CABLES1: variants seen among roughly 807,000 people sequenced by gnomAD.
CABLES1 encodes the protein Cdk5 and Abl enzyme substrate 1.
A neutral mutation model predicts 57.8 loss-of-function variants in CABLES1; 36 were observed. The ratio of observed to expected loss-of-function variants is 0.62; its 90% CI spans 0.48 to 0.82. The LOEUF is 0.82. Among genes scored for constraint, CABLES1 ranks in the 40% least tolerant of loss-of-function variants. CABLES1 has a pLI of 0.00. For synonymous variants in CABLES1, 374 were observed against 363.0 expected (o/e 1.03, Z -0.35); for missense variants, 767 against 836.6 (o/e 0.92, Z 1.03).
chr18:23,194,400 T>C (rs758311320), intron 2 of CABLES1, 48 bp from the exon 3 acceptor site: 2 of 1,205,158 alleles, frequency 1.7e-6, no homozygotes, highest in Non-Finnish European at 2.5e-6. Flanking sequence ...ACGTCTCAGC[T>C]GTCCAGCAGG....
At chr18:23,211,937 C>T (rs1239351879) in intron 3 of CABLES1, among the ~76,000 whole-genome samples, 2 of 152,258 alleles carry the variant, frequency 1.3e-5, no homozygotes, top group Admixed American at 6.5e-5. Flanking sequence ...ATTCATGTAA[C>T]CCCTGGCCCT....
Position 23,235,877 on chromosome 18 carries a change from T to C in CABLES1, c.1186-18T>C. 4 of 1,613,160 alleles carry C rather than the reference T, an allele frequency of 2.5e-6. No homozygotes were observed. The highest frequency in any genetic ancestry group is 2.5e-6 in the Non-Finnish European group (3 of 1,179,196). On this transcript the variant is annotated intron_variant, in intron 5 of 9. Coordinates refer to ENST00000256925, the MANE Select transcript of CABLES1 (RefSeq NM_001100619.3). ...GCCTGGGAATAATCACTGGCCTGTT[T>C]TTGTCTTCACCTTTTAGACTGTTTC...
intron 7 of CABLES1, among the ~76,000 whole-genome samples, chr18:23,240,031 T>C (rs2145093323): frequency 6.6e-6 from 1 of 152,236 alleles, no homozygotes; most frequent in African/African-American, 2.4e-5. Flanking sequence ...GGTGGGAGAA[T>C]TGCTTGAACC....
In CABLES1 at chr18:23,135,541, G is replaced by C. The variant is rs2046811563; in HGVS notation, c.-222G>C. The C allele has an allele frequency of 6.0e-6, 1 of 165,330 alleles. No homozygotes were observed. The highest frequency in any genetic ancestry group is 1.9e-4 in the East Asian group (1 of 5,222). The allele number at this position is 165,330 out of a possible 1,614,324, so 10.2% of individuals were successfully genotyped here. A position where few individuals can be genotyped will look rare whatever the true frequency, so the allele number is the denominator to read the frequency against. The stretch of plus-strand genomic sequence containing the variant: ...CCAGCCAGCGAGCCGAACTAGCCGA[G>C]CTAGGTAGCGAGGCGTGCGCGTGGG... On this transcript the variant is annotated 5_prime_UTR_variant, in exon 1 of 10. Transcript: ENST00000256925.
intron 1 of CABLES1, among the ~76,000 whole-genome samples, chr18:23,145,195 C>A (rs2046884207): frequency 6.6e-6 from 1 of 152,132 alleles, no homozygotes; most frequent in East Asian, 1.9e-4. Flanking sequence ...CTTTGGCCTT[C>A]CAAAGTGCTG....
Position 23,260,456 on chromosome 18 carries a change from CTG to C in CABLES1, c.*3091_*3092del, listed in dbSNP as rs1303677999. ...CTTCATTCCCCAACAGCAAATAAAA[CTG>C]TTGAATGCTCTGGCTGCTGAGTTCT... On this transcript the variant is annotated 3_prime_UTR_variant, in exon 10 of 10. Transcript: ENST00000256925. 2 of 152,300 alleles carry C rather than the reference CTG, an allele frequency of 1.3e-5. No homozygotes were observed. Among genetic ancestry groups the C allele is most frequent in the African/African-American group, 4.8e-5 (2 of 41,426 alleles). The allele number at this position is 152,300 out of a possible 1,614,324, so 9.4% of individuals were successfully genotyped here.
intron 1 of CABLES1, among the ~76,000 whole-genome samples, chr18:23,146,244 T>C (rs965023170): frequency 6.6e-6 from 1 of 152,214 alleles, no homozygotes; most frequent in East Asian, 1.9e-4. Flanking sequence ...AGTTTTTTGC[T>C]TAAGGACAAA....
chr18:23,144,759 A>G (rs1421164724), intron 1 of CABLES1, among the ~76,000 whole-genome samples: 1 of 152,042 alleles, frequency 6.6e-6, no homozygotes, highest in Non-Finnish European at 1.5e-5. Flanking sequence ...ACTCCTACCC[A>G]CTTATTGGAG....
At chr18:23,179,787 A>G (rs1484041906) in intron 1 of CABLES1, among the ~76,000 whole-genome samples, 1 of 152,274 alleles carries the variant, frequency 6.6e-6, no homozygotes, top group African/African-American at 2.4e-5. Context: ...ATGTGTCCTC[A>G]GGCTGAAGGG....
intron 8 of CABLES1, among the ~76,000 whole-genome samples, 196 bp downstream of exon 8, chr18:23,253,262 C>A (rs941119123): frequency 2.0e-5 from 3 of 152,172 alleles, no homozygotes; most frequent in African/African-American, 7.2e-5. Flanking sequence ...GTGGGCGGAT[C>A]ACCTGAGGTC....
intron 1 of CABLES1, among the ~76,000 whole-genome samples, chr18:23,168,316 C>T (rs545112270): frequency 3.7e-4 from 57 of 152,338 alleles, no homozygotes; most frequent in Middle Eastern, 3.4e-3. Context: ...CATGCAGCAA[C>T]GCAGATGAAC....
At chr18:23,174,655 GT>G (rs1159694895) in intron 1 of CABLES1, among the ~76,000 whole-genome samples, 1 of 151,574 alleles carries the variant, frequency 6.6e-6, no homozygotes, top group Non-Finnish European at 1.5e-5. Flanking sequence ...TGCATTTTTA[GT>G]AGAGACAGGA....
At chr18:23,227,316 T>C (rs1048296537) in intron 4 of CABLES1, among the ~76,000 whole-genome samples, 2 of 152,202 alleles carry the variant, frequency 1.3e-5, no homozygotes, top group Non-Finnish European at 2.9e-5. Flanking sequence ...TGTGTTTCTT[T>C]CCTCACACCA....
intron 4 of CABLES1, among the ~76,000 whole-genome samples, chr18:23,234,227 A>G (rs992601483): frequency 6.6e-6 from 1 of 152,186 alleles, no homozygotes; most frequent in African/African-American, 2.4e-5. Flanking sequence ...TCAGAACAAA[A>G]CAAAAAAACA....
Position 23,252,959 on chromosome 18 carries a change from G to T in CABLES1, c.1447-1G>T. 1 of 1,601,414 alleles carries T rather than the reference G, an allele frequency of 6.2e-7. No homozygotes were observed. Among genetic ancestry groups the T allele is most frequent in the South Asian group, 1.1e-5 (1 of 90,772 alleles). On this transcript the variant is annotated splice_acceptor_variant, in intron 7 of 9. Transcript: ENST00000256925. LOFTEE classifies it high-confidence loss of function. ...GATCCGTGTTCCCCTGTCTGTTACA[G>T]ACAACAGTGATTGACTACGTGAAGC...
Position 23,233,149 on chromosome 18 carries a change from G to A in CABLES1, c.1089-1459G>A, listed in dbSNP as rs146114297. 3.8e-3 allele frequency among the ~76,000 whole-genome samples: 574 copies of A among 152,284 alleles called. 3 individuals are homozygous for A. The highest frequency in any genetic ancestry group is 6.9e-3 in the Non-Finnish European group (467 of 68,002). Reference sequence around the variant, plus strand: ...CTGGTCATTCCCAAACATGGCTGCAGTTTAGAATCGCCTGGGGAGTGTTTA... The same window carrying A: ...CTGGTCATTCCCAAACATGGCTGCAATTTAGAATCGCCTGGGGAGTGTTTA... On this transcript the variant is annotated intron_variant, in intron 4 of 9. Transcript: ENST00000256925.
chr18:23,232,873 G>GT (rs561854852), intron 4 of CABLES1, among the ~76,000 whole-genome samples: 47 of 151,304 alleles, frequency 3.1e-4, no homozygotes, highest in East Asian at 1.9e-3. Flanking sequence ...GAGCATCCCT[G>GT]TTTTTTTTTC....
intron 1 of CABLES1, among the ~76,000 whole-genome samples, chr18:23,178,248 C>T (rs1231292086): frequency 3.3e-5 from 5 of 151,876 alleles, no homozygotes; most frequent in Non-Finnish European, 7.4e-5. Context: ...GTACCTGCTT[C>T]TCCTGGTTCT....
Position 23,253,038 on chromosome 18 carries a change from A to C in CABLES1, c.1525A>C (p.Ile509Leu), listed in dbSNP as rs1263226746. 6.2e-7 allele frequency: 1 copy of C among 1,613,522 alleles called. No individual in the cohort carries two copies. Reference sequence around the variant, plus strand: ...GACCTTCAAGGAGAAGTTTCCTCACATTAAGCTGACACTCAGCAAAATTAG... The same window carrying C: ...GACCTTCAAGGAGAAGTTTCCTCACCTTAAGCTGACACTCAGCAAAATTAG... ...NETFKEKFPH[I>L]KLTLSKIRSL... Residue 509 changes from isoleucine (I) to leucine (L), a missense_variant, in exon 8 of 10, where the codon ATT becomes CTT. Ile to Leu is a conservative substitution (Grantham distance 5). This residue lies in a region of CABLES1 where 529 missense variants were observed against 622.8 expected (regional missense o/e 0.85). Coordinates refer to ENST00000256925, the MANE Select transcript of CABLES1 (RefSeq NM_001100619.3).
Sources: allele counts gnomAD v4.1 joint callset (sites outside exome capture counted in the v4.1 genomes callset), GRCh38; gene constraint gnomAD v4.1.1; regional missense constraint gnomAD v4.1.1; transcripts MANE v1.5; gene names NCBI Gene and HGNC (gene_info 2026-07-23, HGNC 2026-07-21).